The following PEMT variants were observed in gnomAD, a reference collection of about 807,000 sequenced individuals.
The protein encoded by PEMT is phosphatidylethanolamine N-methyltransferase, also known as phospholipid methyltransferase.
PEMT carries 23 observed loss-of-function variants against 27.4 expected under a neutral mutation model. The observed-to-expected ratio is 0.84, with a 90% CI of 0.60 to 1.19. PEMT has a LOEUF of 1.19. PEMT is among the 50% of genes most tolerant of loss of function. The pLI is 0.00. For missense variants in PEMT, 307 were observed against 310.1 expected, an observed-to-expected ratio of 0.99 and a Z score of 0.07; for synonymous variants, 137 against 139.1, an observed-to-expected ratio of 0.98 and a Z score of 0.11.
intron 2 of PEMT, among the ~76,000 whole-genome samples, chr17:17,560,775 G>T (rs963172564): frequency 6.6e-6 from 1 of 151,972 alleles, no homozygotes; most frequent in Admixed American, 6.6e-5. Context: ...GTCTACACAG[G>T]CTCCCTGCTG....
chr17:17,537,230 G>C (rs141082652), intron 2 of PEMT, among the ~76,000 whole-genome samples: 1 of 152,224 alleles, frequency 6.6e-6, no homozygotes, highest in Non-Finnish European at 1.5e-5. Context: ...AGTCCAGCTC[G>C]GAGGTGGGAG....
In PEMT at chr17:17,561,161, C is replaced by T. The variant is rs577116377; in HGVS notation, c.204+15759G>A. Among the ~76,000 whole-genome samples the T allele has an allele frequency of 1.3e-5, 2 of 152,228 alleles. No individual in the cohort carries two copies. Among genetic ancestry groups the T allele is most frequent in the East Asian group, 3.9e-4 (2 of 5,154 alleles). ...CAAACATTCACTGGGCACCGTGGGG[C>T]AGGGCCCAGAGGACAACAGCCACTC... On this transcript the variant is annotated intron_variant, in intron 2 of 6. Coordinates refer to ENST00000255389, the MANE Select transcript of PEMT (RefSeq NM_148172.3). The surrounding 1 kb of genome is among the most constrained non-coding windows in gnomAD (Gnocchi z 4.5).
At chr17:17,560,056 A>T (rs1408678166) in intron 2 of PEMT, among the ~76,000 whole-genome samples, 1 of 151,696 alleles carries the variant, frequency 6.6e-6, no homozygotes, top group Non-Finnish European at 1.5e-5. Context: ...CCACGGCCTG[A>T]CCTGGCCAGA....
At chr17:17,518,675 A>G (rs1294161953) in intron 3 of PEMT, among the ~76,000 whole-genome samples, 1 of 152,192 alleles carries the variant, frequency 6.6e-6, no homozygotes, top group Non-Finnish European at 1.5e-5. Context: ...GCTTGGCTCA[A>G]GCACGTGCCT....
At position 17,577,023 on chromosome 17, in the gene PEMT, T is replaced by G. The variant is rs1911646099; in HGVS notation, c.101A>C (p.Asp34Ala). 12 of 1,613,018 alleles carry G rather than the reference T, an allele frequency of 7.4e-6. No individual in the cohort carries two copies. Among genetic ancestry groups the G allele is most frequent in the Non-Finnish European group, 1.0e-5 (12 of 1,179,330 alleles). ...CAGCAGCCGGGTCATAACGCAGAAGTCTGCCTGCAGGGACAGAGCTAGCAT... is the reference window on the plus strand; with the variant it reads ...CAGCAGCCGGGTCATAACGCAGAAGGCTGCCTGCAGGGACAGAGCTAGCAT... ...GLGNIDFRQA[D>A]FCVMTRLLGY... Residue 34 changes from aspartate (D) to alanine (A), a missense_variant, in exon 2 of 7, where the codon GAC becomes GCC. Physicochemically the swap from Asp to Ala is moderately radical, Grantham distance 126 (BLOSUM62 -2). Transcript: ENST00000255389.
At chr17:17,539,982 C>T (rs1908767366) in intron 2 of PEMT, among the ~76,000 whole-genome samples, 1 of 152,228 alleles carries the variant, frequency 6.6e-6, no homozygotes, top group Non-Finnish European at 1.5e-5. Flanking sequence ...CAGGAGGGCC[C>T]ACCCCAGGAG....
At position 17,544,059 on chromosome 17, in the gene PEMT, C is replaced by T. The variant is rs1041314398; in HGVS notation, c.205-21664G>A. On this transcript the variant is annotated intron_variant, in intron 2 of 6. Transcript: ENST00000255389. ...TAGGACTGGCAGCTTAGAGGGCAGA[C>T]GTGGTCGGTGAGGGGGGCACTGGAC... Among the ~76,000 whole-genome samples, 7 of 151,978 alleles carry T rather than the reference C, an allele frequency of 4.6e-5. 1 individual carries two copies. Among genetic ancestry groups the T allele is most frequent in the Admixed American group, 3.3e-4 (5 of 15,258 alleles).
intron 2 of PEMT, among the ~76,000 whole-genome samples, chr17:17,551,959 T>C (rs1241340777): frequency 6.6e-6 from 1 of 152,152 alleles, no homozygotes; most frequent in Non-Finnish European, 1.5e-5. Context: ...TCCTTGCACT[T>C]TGGGAGGCCG....
rs200896808 is a variant in PEMT at position 17,512,560 on chromosome 17, C to T, written c.415G>A (p.Val139Met). ...LGLALLGLGV[V>M]LVLSSFFALG... The stretch of plus-strand genomic sequence containing the variant: ...GCAAAGAAGCTGGAGAGCACGAGCA[C>T]GACGCCCAGTCCCAGGAGCGCGAGG... The change falls in exon 4 of 7, where the codon GTG (valine) becomes ATG (methionine). Residue 139 changes from valine (V) to methionine (M), a missense_variant. Coordinates refer to ENST00000255389, the MANE Select transcript of PEMT (RefSeq NM_148172.3). The surrounding 1 kb of genome is among the most constrained non-coding windows in gnomAD (Gnocchi z 6.3). The T allele has an allele frequency of 1.1e-5, 17 of 1,608,672 alleles. No homozygotes were observed. Among genetic ancestry groups the T allele is most frequent in the East Asian group, 2.2e-5 (1 of 44,540 alleles).
intron 2 of PEMT, among the ~76,000 whole-genome samples, chr17:17,528,201 T>G (rs1373292172): frequency 6.6e-6 from 1 of 152,214 alleles, no homozygotes; most frequent in Non-Finnish European, 1.5e-5. Flanking sequence ...CCTTCTGCCT[T>G]CCTGCTTTTG....
At chr17:17,565,708 A>C (rs1307208409) in intron 2 of PEMT, among the ~76,000 whole-genome samples, 1 of 152,248 alleles carries the variant, frequency 6.6e-6, no homozygotes, top group East Asian at 1.9e-4. Flanking sequence ...CCTGAGTCTC[A>C]AGCTGTCCCT....
rs569886732 is a variant in PEMT, at chr17:17,521,703, T to TA, written c.320+576dup. ...CCTCAGCCTCTCGAGTAGCTGGGAT[T>TA]ACAGGCGCATGCACCACCATGCCCG... On this transcript the variant is annotated intron_variant, in intron 3 of 6. Coordinates refer to ENST00000255389, the MANE Select transcript of PEMT (RefSeq NM_148172.3). 1.2e-4 allele frequency among the ~76,000 whole-genome samples: 18 copies of TA among 152,302 alleles called. No individual in the cohort carries two copies. In the South Asian group the frequency reaches 3.3e-3, roughly 28 times the overall value.
Position 17,512,722 on chromosome 17 carries a change from GA to G in PEMT, c.321-69del. On this transcript the variant is annotated intron_variant, in intron 3 of 6. Transcript: ENST00000255389. This position sits in a 1 kb window ranked among gnomAD's most constrained non-coding sequence, Gnocchi z 6.3. ...GGATGTCACAGCCCGGGAGGAGGCC[GA>G]CCTCATCTTCTCGCCCTCTCCCCAG... 1 of 1,387,256 alleles carries G rather than the reference GA, an allele frequency of 7.2e-7. No individual in the cohort carries two copies. The highest frequency in any genetic ancestry group is 9.5e-7 in the Non-Finnish European group (1 of 1,051,578). The allele number at this position is 1,387,256 out of a possible 1,614,324, so 85.9% of individuals were successfully genotyped here.
intron 2 of PEMT, among the ~76,000 whole-genome samples, chr17:17,548,114 G>T (rs759982596): frequency 6.6e-6 from 1 of 152,232 alleles, no homozygotes; most frequent in Non-Finnish European, 1.5e-5. Flanking sequence ...TCCCTCGAGG[G>T]GAAGGAATGA....
chr17:17,575,474 C>T (rs536175278), intron 2 of PEMT, among the ~76,000 whole-genome samples: 12 of 152,362 alleles, frequency 7.9e-5, no homozygotes, highest in African/African-American at 2.6e-4. Context: ...CACCTCATAT[C>T]TCTGGCATGC....
intron 2 of PEMT, among the ~76,000 whole-genome samples, chr17:17,533,079 T>C (rs1661301297): frequency 1.3e-5 from 2 of 152,182 alleles, no homozygotes; most frequent in South Asian, 4.1e-4. Flanking sequence ...CTTCCTGATT[T>C]CAAACTTACC....
At chr17:17,591,871 C>G (rs1268682175), upstream of PEMT, 77 of 985,368 alleles carry the variant, frequency 7.8e-5, no homozygotes, top group Non-Finnish European at 8.8e-5. Flanking sequence ...CAGAGCCTGC[C>G]GGTTCCGCTG....
In PEMT at chr17:17,512,115, T is replaced by G. The variant is rs1417339260; in HGVS notation, c.466+394A>C. On this transcript the variant is annotated intron_variant, in intron 4 of 6. Transcript: ENST00000255389. This position sits in a 1 kb window ranked among gnomAD's most constrained non-coding sequence, Gnocchi z 6.3. ...GGGAGCTGCCAGAGAGGTGGCTGAC[T>G]CACCACCACCTCAGGCTTCTGTGCA... Among the ~76,000 whole-genome samples, 3 of 152,156 alleles carry G rather than the reference T, an allele frequency of 2.0e-5. No individual in the cohort carries two copies. The highest frequency in any genetic ancestry group is 7.2e-5 in the African/African-American group (3 of 41,424).
intron 2 of PEMT, among the ~76,000 whole-genome samples, chr17:17,536,083 T>C (rs1363380525): frequency 6.6e-6 from 1 of 152,198 alleles, no homozygotes; most frequent in Non-Finnish European, 1.5e-5. Context: ...GCCACTGCAC[T>C]GACTGTGGCA....
Sources: gnomAD v4.1 joint callset for allele counts (sites outside exome capture counted in the v4.1 genomes callset) on GRCh38, gnomAD v4.1.1 for gene constraint, Gnocchi (gnomAD v3.1) non-coding constraint, MANE v1.5 for transcripts, NCBI Gene and HGNC (gene_info 2026-07-23, HGNC 2026-07-21) for gene names.